The following JAKMIP2 variants were observed in gnomAD, a reference collection of about 807,000 sequenced individuals.
The protein encoded by JAKMIP2 is janus kinase and microtubule interacting protein 2.
A neutral mutation model predicts 115.0 loss-of-function variants in JAKMIP2; 25 were observed. The observed-to-expected ratio is 0.22, with a 90% CI of 0.16 to 0.30. The LOEUF (loss-of-function observed/expected upper bound fraction) is 0.30. Among genes scored for constraint, JAKMIP2 ranks in the 10% least tolerant of loss-of-function variants. JAKMIP2 has a pLI of 1.00. For synonymous variants in JAKMIP2, 334 were observed against 343.6 expected, an observed-to-expected ratio of 0.97 and a Z score of 0.31; for missense variants, 642 against 957.6, an observed-to-expected ratio of 0.67 and a Z score of 4.35.
chr5:147,745,046 G>A (rs1754300272), intron 1 of JAKMIP2, among the ~76,000 whole-genome samples: 2 of 132,262 alleles, frequency 1.5e-5, no homozygotes, highest in South Asian at 2.5e-4. Flanking sequence ...AACAGAGCTA[G>A]ACTCTGTCTC....
intron 1 of JAKMIP2, among the ~76,000 whole-genome samples, chr5:147,718,473 C>A (rs1365258123): frequency 2.6e-5 from 4 of 152,038 alleles, no homozygotes; most frequent in Non-Finnish European, 5.9e-5. Context: ...AATCCATCTG[C>A]TCCTGGACTC....
At position 147,637,437 on chromosome 5, in the gene JAKMIP2, A is replaced by ATTTTTTTTTTTTTTTTTTTTTTTTTTTTT. The variant is rs34831610; in HGVS notation, c.1531-390_1531-389insAAAAAAAAAAAAAAAAAAAAAAAAAAAAA. Among the ~76,000 whole-genome samples the ATTTTTTTTTTTTTTTTTTTTTTTTTTTTT allele has an allele frequency of 1.7e-3, 132 of 79,298 alleles. 6 individuals are homozygous for ATTTTTTTTTTTTTTTTTTTTTTTTTTTTT. The highest frequency in any genetic ancestry group is 2.2e-3 in the Admixed American group (14 of 6,408). The allele number at this position is 79,298 out of a possible 152,430, so 52.0% of individuals were successfully genotyped here. ...CATTTTGCCTCCCCAAATTCTTTTG[A>ATTTTTTTTTTTTTTTTTTTTTTTTTTTTT]TTTTTTTTTTTTTTTTTTTTGAGAC... is the stretch of plus-strand genomic sequence containing the variant. On this transcript the variant is annotated intron_variant, in intron 10 of 21. Coordinates refer to ENST00000616793, the MANE Select transcript of JAKMIP2 (RefSeq NM_001270941.2).
intron 20 of JAKMIP2, among the ~76,000 whole-genome samples, chr5:147,603,287 C>T (rs1307026885): frequency 6.6e-6 from 1 of 152,128 alleles, no homozygotes; most frequent in African/African-American, 2.4e-5. Flanking sequence ...ATCATAACAT[C>T]TGTAGTGTCT....
chr5:147,680,396 C>T, intron 1 of JAKMIP2, among the ~76,000 whole-genome samples: 1 of 152,078 alleles, frequency 6.6e-6, no homozygotes, highest in East Asian at 1.9e-4. Flanking sequence ...TGGTTCTGCC[C>T]CAAGCTATAA....
intron 21 of JAKMIP2, among the ~76,000 whole-genome samples, chr5:147,600,404 TG>T (rs1215291361): frequency 6.6e-6 from 1 of 152,152 alleles, no homozygotes; most frequent in Non-Finnish European, 1.5e-5. Context: ...CACTTTTACT[TG>T]TCTGTTCCAT....
intron 1 of JAKMIP2, among the ~76,000 whole-genome samples, chr5:147,772,295 G>A (rs1378193475): frequency 6.6e-6 from 1 of 152,060 alleles, no homozygotes; most frequent in African/African-American, 2.4e-5. Flanking sequence ...CAGATCTAAA[G>A]CATTAAATTT....
chr5:147,648,275 G>A (rs913078132), intron 5 of JAKMIP2, 101 bp downstream of exon 5: 1 of 656,212 alleles, frequency 1.5e-6, no homozygotes, highest in Admixed American at 2.5e-5. Flanking sequence ...TTTATTATTT[G>A]TACACTTTTC....
intron 1 of JAKMIP2, among the ~76,000 whole-genome samples, chr5:147,737,148 C>A (rs911676480): frequency 6.6e-6 from 1 of 152,186 alleles, no homozygotes; most frequent in Non-Finnish European, 1.5e-5. Context: ...AATGAAAATA[C>A]TTCCCACTTT....
intron 19 of JAKMIP2, 68 bp from the exon 20 acceptor site, chr5:147,612,439 A>C (rs1434919869): frequency 2.2e-6 from 2 of 905,684 alleles, no homozygotes; most frequent in Non-Finnish European, 3.4e-6. Flanking sequence ...ATAATTTACC[A>C]AATGAAAACA....
chr5:147,612,412 G>C (rs1192329486), intron 19 of JAKMIP2, 41 bp from the exon 20 acceptor site: 3 of 1,228,510 alleles, frequency 2.4e-6, no homozygotes, highest in Non-Finnish European at 3.5e-6. Flanking sequence ...TCAGTAGGTG[G>C]TAAGTTGTGC....
At chr5:147,622,022 C>T (rs1179445140) in intron 17 of JAKMIP2, among the ~76,000 whole-genome samples, 1 of 152,128 alleles carries the variant, frequency 6.6e-6, no homozygotes, top group African/African-American at 2.4e-5. Context: ...CATGTGCCAC[C>T]GCGCCCGGCT....
At chr5:147,627,543 G>C (rs72835136) in intron 16 of JAKMIP2, among the ~76,000 whole-genome samples, 174 of 151,928 alleles carry the variant, frequency 1.1e-3, no homozygotes, top group Non-Finnish European at 2.2e-3. Flanking sequence ...TGCTGGGGAG[G>C]GATCAGAGAA....
intron 20 of JAKMIP2, among the ~76,000 whole-genome samples, chr5:147,604,889 A>G (rs1755913887): frequency 6.6e-6 from 1 of 151,310 alleles, no homozygotes; most frequent in African/African-American, 2.4e-5. Context: ...GGTTTGTTAC[A>G]TAAGTATACA....
chr5:147,641,786 T>C (rs746560109), intron 7 of JAKMIP2, 22 bp from the exon 8 acceptor site: 1 of 1,598,358 alleles, frequency 6.3e-7, no homozygotes. Context: ...ATGAAAGATT[T>C]TCAGATCCAG....
chr5:147,632,467 T>A (rs1288228604), intron 13 of JAKMIP2, among the ~76,000 whole-genome samples: 1 of 152,184 alleles, frequency 6.6e-6, no homozygotes, highest in African/African-American at 2.4e-5. Context: ...TAGACAGTTT[T>A]GAGTTGCATC....
rs557887480 is a variant in JAKMIP2, at chr5:147,707,740, T to C, written c.-148-35786A>G. Among the ~76,000 whole-genome samples the C allele has an allele frequency of 2.6e-5, 4 of 152,282 alleles. No individual in the cohort carries two copies. The South Asian group carries it at 6.2e-4, about 24-fold the overall frequency. ...GGATGTAATGCACAACAGTGGGTTT[T>C]GATACTAAATTTACGGTGAGTCAAT... On this transcript the variant is annotated intron_variant, in intron 1 of 21. Transcript: ENST00000616793.
chr5:147,763,552 ATTGCTTCT>A (rs1320697711), intron 1 of JAKMIP2, among the ~76,000 whole-genome samples: 1 of 152,094 alleles, frequency 6.6e-6, no homozygotes, highest in Non-Finnish European at 1.5e-5. Flanking sequence ...ATATGGAATC[ATTGCTTCT>A]TCTTCTTTGC....
rs978544834 is a variant in JAKMIP2 at position 147,644,781 on chromosome 5, G to A, written c.1083+69C>T. ...TATTTTTAAAATAAGCTGAGAAATG[G>A]CAATAAGTCAGGTTATTAAGGTAAT... On this transcript the variant is annotated intron_variant, in intron 6 of 21. Coordinates refer to ENST00000616793, the MANE Select transcript of JAKMIP2 (RefSeq NM_001270941.2). The A allele has an allele frequency of 4.6e-5, 60 of 1,316,102 alleles. No homozygotes were observed. In the African/African-American group the frequency reaches 7.3e-4, roughly 16 times the overall value. 81.5% of individuals were successfully genotyped at this position (1,316,102 alleles called of 1,614,324 possible).
At position 147,587,388 on chromosome 5, in the gene JAKMIP2, A is replaced by G. The variant is rs1161329684; in HGVS notation, c.*4319T>C. 6.7e-6 allele frequency: 1 copy of G among 150,296 alleles called. No individual in the cohort carries two copies. The highest frequency in any genetic ancestry group is 2.4e-5 in the African/African-American group (1 of 40,918). The allele number at this position is 150,296 out of a possible 1,614,324, so 9.3% of individuals were successfully genotyped here. On this transcript the variant is annotated 3_prime_UTR_variant, in exon 22 of 22. Coordinates refer to ENST00000616793, the MANE Select transcript of JAKMIP2 (RefSeq NM_001270941.2). ...AAAGGCAACAAGCAATGCAACTCCC[A>G]AATTACAGAGCAAATTTCTATTGCT...
Sources: gnomAD v4.1 joint callset for allele counts (sites outside exome capture counted in the v4.1 genomes callset) on GRCh38, gnomAD v4.1.1 for gene constraint, MANE v1.5 for transcripts, NCBI Gene and HGNC (gene_info 2026-07-23, HGNC 2026-07-21) for gene names.